The following COL6A3 variants were observed in gnomAD, a reference collection of about 807,000 sequenced individuals.
COL6A3 encodes collagen type VI alpha 3 chain.
Under a neutral mutation model 274.1 loss-of-function variants are expected in COL6A3, and 137 were observed. The observed-to-expected ratio is 0.50, with a 90% CI of 0.44 to 0.58. The LOEUF is 0.58. Among genes scored for constraint, COL6A3 ranks in the 20% least tolerant of loss-of-function variants. The probability of loss-of-function intolerance (pLI) is 0.00; values close to 1 mark genes in which losing one functional copy is unlikely to be tolerated. For synonymous variants in COL6A3, 1,650 were observed against 1,650.6 expected (o/e 1.00, Z 0.01); for missense variants, 3,950 against 4,124.9 (o/e 0.96, Z 1.16).
chr2:237,350,186 T>C lies in COL6A3; in HGVS notation c.6840A>G (p.Pro2280=), dbSNP rs149069735. 23 of 1,614,152 alleles carry C rather than the reference T, an allele frequency of 1.4e-5. No individual in the cohort carries two copies. Among genetic ancestry groups the C allele is most frequent in the Non-Finnish European group, 1.9e-5 (22 of 1,180,002 alleles). ...GRKGEPGEPG[P]KGGIGNRGPR... Reference sequence around the variant, plus strand: ...GGCCCCGGTTCCCGATTCCTCCTTTTGGTCCTGGCTCTCCGGGCTCACCCT... The same window carrying C: ...GGCCCCGGTTCCCGATTCCTCCTTTCGGTCCTGGCTCTCCGGGCTCACCCT... The change falls in exon 28 of 44, where the codon CCA becomes CCG. Residue 2280 remains proline (P), a synonymous_variant. Transcript: ENST00000295550.
intron 11 of COL6A3, among the ~76,000 whole-genome samples, chr2:237,366,484 A>G (rs1022354257): frequency 1.3e-5 from 2 of 152,202 alleles, no homozygotes; most frequent in Non-Finnish European, 2.9e-5. Flanking sequence ...AAAGCAAAAT[A>G]TGATAGACTT....
chr2:237,374,958 G>A lies in COL6A3; in HGVS notation c.3133C>T (p.Pro1045Ser), dbSNP rs529408196. Residue 1045 changes from proline (P) to serine (S), a missense_variant, in exon 8 of 44, where the codon CCT (proline) becomes TCT (serine). Physicochemically the swap from Pro to Ser is moderately conservative, Grantham distance 74. Around this residue, in one of 5 missense-constraint regions of COL6A3, gnomAD observed 1,934 missense variants for 1,984.3 expected, o/e 0.97. Coordinates refer to ENST00000295550, the MANE Select transcript of COL6A3 (RefSeq NM_004369.4). This position sits in a 1 kb window ranked among gnomAD's most constrained non-coding sequence, Gnocchi z 4.8. Reference protein sequence around the residue: ...DGSEGVRSGFPLLKEFVQRVV... With the variant: ...DGSEGVRSGFSLLKEFVQRVV... The stretch of plus-strand genomic sequence containing the variant: ...CTCTGGACAAACTCTTTCAACAGAG[G>A]GAAGCCGCTCCTGACGCCCTCAGAG... 12 of 1,613,830 alleles carry A rather than the reference G, an allele frequency of 7.4e-6. No individual in the cohort carries two copies. Among genetic ancestry groups the A allele is most frequent in the Non-Finnish European group, 9.3e-6 (11 of 1,180,030 alleles).
In COL6A3 at chr2:237,340,924, C is replaced by G. The variant is rs2076974087; in HGVS notation, c.7992G>C (p.Val2664=). The G allele has an allele frequency of 6.2e-7, 1 of 1,613,192 alleles. No homozygotes were observed. Among genetic ancestry groups the G allele is most frequent in the African/African-American group, 1.3e-5 (1 of 74,910 alleles). The change falls in exon 38 of 44, where the codon GTG becomes GTC. Residue 2664 remains valine (V), a synonymous_variant. Coordinates refer to ENST00000295550, the MANE Select transcript of COL6A3 (RefSeq NM_004369.4). The part of the protein sequence containing the change: ...DPKASQHFAR[V]AVVQHAPSES... ...CAGAGGGCGCGTGCTGCACAACTGCCACTCTGGCGAAGTGCTGGGAGGCCT... is the reference window on the plus strand; with the variant it reads ...CAGAGGGCGCGTGCTGCACAACTGCGACTCTGGCGAAGTGCTGGGAGGCCT...
intron 43 of COL6A3, among the ~76,000 whole-genome samples, 191 bp from the exon 44 acceptor site, chr2:237,325,005 C>A (rs1366961384): frequency 1.3e-5 from 2 of 152,076 alleles, no homozygotes; most frequent in African/African-American, 4.8e-5. Context: ...GGCCTGGGGC[C>A]CCGGGGCCCA....
Position 237,379,179 on chromosome 2 carries a change from T to C in COL6A3, c.1954A>G (p.Lys652Glu). Reference protein sequence around the residue: ...FLLDGSANVGKTNFPYVRDFV... With the variant: ...FLLDGSANVGETNFPYVRDFV... ...TCGCGCACATAAGGGAAATTGGTTTTTCCAACGTTGGCTGATCCATCCAAA... is the reference window on the plus strand; with the variant it reads ...TCGCGCACATAAGGGAAATTGGTTTCTCCAACGTTGGCTGATCCATCCAAA... The change falls in exon 6 of 44, where the codon AAA becomes GAA. Residue 652 changes from lysine (K) to glutamate (E), a missense_variant. By Grantham distance (56) the Lys-to-Glu change is moderately conservative. Transcript: ENST00000295550. The C allele has an allele frequency of 6.2e-7, 1 of 1,614,232 alleles. No individual in the cohort carries two copies. The highest frequency in any genetic ancestry group is 1.3e-5 in the African/African-American group (1 of 75,054).
Position 237,339,021 on chromosome 2 carries a change from T to C in COL6A3, c.8561A>G (p.Lys2854Arg). The change falls in exon 39 of 44, where the codon AAA becomes AGA. Residue 2854 changes from lysine to arginine, a missense_variant. Coordinates refer to ENST00000295550, the MANE Select transcript of COL6A3 (RefSeq NM_004369.4). Reference sequence around the variant, plus strand: ...AATAATTATAATCACTTACACTTGTTTGTGACCAAACTTCACAAGGTTCTT... The same window carrying C: ...AATAATTATAATCACTTACACTTGTCTGTGACCAAACTTCACAAGGTTCTT... ...PTKNLVKFGH[K>R]QVNVPNNVTS... The C allele has an allele frequency of 6.2e-7, 1 of 1,613,562 alleles. No homozygotes were observed.
At chr2:237,395,836 G>C (rs938196747) in intron 2 of COL6A3, among the ~76,000 whole-genome samples, 1 of 152,114 alleles carries the variant, frequency 6.6e-6, no homozygotes, top group Non-Finnish European at 1.5e-5. Context: ...ATTTTTCAGA[G>C]CCAGAAAAGT....
In COL6A3 at chr2:237,336,517, G is replaced by A. The variant is rs375994186; in HGVS notation, c.8583C>T (p.Asn2861=). ...FGHKQVNVPN[N]VTSSPTSNPV... Reference sequence around the variant, plus strand: ...GGTTGGATGTAGGACTTGAAGTAACGTTATTCGGAACATTTCTGTTAAGAC... The same window carrying A: ...GGTTGGATGTAGGACTTGAAGTAACATTATTCGGAACATTTCTGTTAAGAC... Residue 2861 remains asparagine, a synonymous_variant, in exon 40 of 44, where the codon AAC becomes AAT. Transcript: ENST00000295550. The A allele has an allele frequency of 9.3e-6, 15 of 1,614,026 alleles. No homozygotes were observed. The highest frequency in any genetic ancestry group is 2.7e-5 in the African/African-American group (2 of 74,912).
intron 4 of COL6A3, among the ~76,000 whole-genome samples, chr2:237,383,862 C>T (rs529639751): frequency 9.2e-5 from 14 of 152,166 alleles, no homozygotes; most frequent in African/African-American, 3.4e-4. Flanking sequence ...CCTTCTAGAT[C>T]TAATGAAACA....
intron 39 of COL6A3, among the ~76,000 whole-genome samples, chr2:237,337,058 T>A (rs920098150): frequency 6.6e-6 from 1 of 152,146 alleles, no homozygotes; most frequent in African/African-American, 2.4e-5. Context: ...TATGTGTATT[T>A]TTTTTTACAA....
intron 38 of COL6A3, 147 bp downstream of exon 38, chr2:237,340,305 A>T: frequency 1.3e-6 from 1 of 742,862 alleles, no homozygotes; most frequent in Non-Finnish European, 2.3e-6. Flanking sequence ...CATTTGTGGC[A>T]TATGGCAGGT....
chr2:237,368,638 T>C lies in COL6A3; in HGVS notation c.4825A>G (p.Ile1609Val). 1 of 1,614,120 alleles carries C rather than the reference T, an allele frequency of 6.2e-7. No homozygotes were observed. The highest frequency in any genetic ancestry group is 8.5e-7 in the Non-Finnish European group (1 of 1,180,024). Reference sequence around the variant, plus strand: ...GCGGAGGGTCCAAACGAGTTCATGATTCTTTCTTCTATGTTGGGAAGCTCT... The same window carrying C: ...GCGGAGGGTCCAAACGAGTTCATGACTCTTTCTTCTATGTTGGGAAGCTCT... ...FRELPNIEER[I>V]MNSFGPSAAT... Residue 1609 changes from isoleucine to valine, a missense_variant, in exon 10 of 44, where the codon ATC (isoleucine) becomes GTC (valine). By Grantham distance (29) the Ile-to-Val change is conservative. This residue lies in a region of COL6A3 where 632 missense variants were observed against 623.4 expected (regional missense o/e 1.01). Coordinates refer to ENST00000295550, the MANE Select transcript of COL6A3 (RefSeq NM_004369.4). This position sits in a 1 kb window ranked among gnomAD's most constrained non-coding sequence, Gnocchi z 4.4.
chr2:237,366,088 A>T, intron 11 of COL6A3, 53 bp from the exon 12 acceptor site: 1 of 1,522,058 alleles, frequency 6.6e-7, no homozygotes, highest in Non-Finnish European at 9.1e-7. Flanking sequence ...GAGGAGACGA[A>T]CTCTACTTAT....
chr2:237,338,234 G>A (rs1180515139), intron 39 of COL6A3, among the ~76,000 whole-genome samples: 2 of 152,162 alleles, frequency 1.3e-5, no homozygotes, highest in African/African-American at 4.8e-5. Flanking sequence ...TTGCACACTT[G>A]TCTTCTCTCA....
intron 41 of COL6A3, 89 bp from the exon 42 acceptor site, chr2:237,333,637 G>T: frequency 9.1e-7 from 1 of 1,100,152 alleles, no homozygotes; most frequent in Non-Finnish European, 1.4e-6. Flanking sequence ...GTTGCCTGCT[G>T]TGATTAATGT....
intron 41 of COL6A3, among the ~76,000 whole-genome samples, chr2:237,333,975 G>T (rs1651974134): frequency 6.6e-6 from 1 of 152,188 alleles, no homozygotes; most frequent in Non-Finnish European, 1.5e-5. Context: ...CATTCCTGGA[G>T]CAGTGGGGGT....
chr2:237,334,505 T>G, intron 41 of COL6A3, 121 bp downstream of exon 41: 13 of 1,095,712 alleles, frequency 1.2e-5, no homozygotes, highest in Non-Finnish European at 1.6e-5. Context: ...GTTGTTGCTG[T>G]TGTTGTTTTT....
At chr2:237,395,313 A>T (rs1467054721) in intron 2 of COL6A3, 109 bp from the exon 3 acceptor site, 14 of 1,094,022 alleles carry the variant, frequency 1.3e-5, no homozygotes, top group Non-Finnish European at 1.8e-5. Flanking sequence ...GCTACTAAAC[A>T]CTTCACACCT....
intron 4 of COL6A3, among the ~76,000 whole-genome samples, chr2:237,383,533 G>A (rs771522759): frequency 2.0e-5 from 3 of 151,708 alleles, no homozygotes; most frequent in Non-Finnish European, 4.4e-5. Flanking sequence ...GAATATATAT[G>A]TATATAGATA....
Sources: gnomAD v4.1 joint callset for allele counts (sites outside exome capture counted in the v4.1 genomes callset) on GRCh38, gnomAD v4.1.1 for gene constraint, gnomAD v4.1.1 regional missense constraint, Gnocchi (gnomAD v3.1) non-coding constraint, MANE v1.5 for transcripts, NCBI Gene and HGNC (gene_info 2026-07-23, HGNC 2026-07-21) for gene names.